Variants in PALMD observed in about 807,000 individuals in gnomAD.
PALMD encodes the protein palmdelphin, also known as paralemmin-like protein.
PALMD carries 42 observed loss-of-function variants against 56.2 expected under a neutral mutation model. The observed-to-expected ratio is 0.75, with a 90% CI of 0.58 to 0.97. PALMD has a LOEUF of 0.97. PALMD is among the 50% of genes least tolerant of loss of function. PALMD has a pLI of 0.00. For synonymous variants in PALMD, 242 were observed against 222.9 expected, an observed-to-expected ratio of 1.09 and a Z score of -0.76; for missense variants, 660 against 643.8, an observed-to-expected ratio of 1.03 and a Z score of -0.27.
chr1:99,661,084 T>C (rs1652837882), intron 1 of PALMD, among the ~76,000 whole-genome samples: 1 of 152,230 alleles, frequency 6.6e-6, no homozygotes, highest in Non-Finnish European at 1.5e-5. Flanking sequence ...ATAATGCACT[T>C]ACATCAATAA....
chr1:99,657,585 T>G (rs140709523), intron 1 of PALMD, among the ~76,000 whole-genome samples: 2 of 152,342 alleles, frequency 1.3e-5, no homozygotes, highest in African/African-American at 4.8e-5. Context: ...ATTCAACTTC[T>G]GAAAACATGC....
At chr1:99,654,011 G>A (rs1009060648) in intron 1 of PALMD, among the ~76,000 whole-genome samples, 7 of 151,816 alleles carry the variant, frequency 4.6e-5, no homozygotes, top group Non-Finnish European at 4.4e-5. Flanking sequence ...CCTTATTTGA[G>A]GAATTGTATT....
intron 1 of PALMD, among the ~76,000 whole-genome samples, chr1:99,652,990 T>G (rs1445405575): frequency 6.6e-6 from 1 of 152,168 alleles, no homozygotes; most frequent in Non-Finnish European, 1.5e-5. Flanking sequence ...ATCAAAGTCA[T>G]TTTTCAGAGC....
At chr1:99,683,118 GAAAGA>G (rs1653404257) in intron 3 of PALMD, 1 of 116,350 alleles carries the variant, frequency 8.6e-6, no homozygotes, top group Non-Finnish European at 1.7e-5. Context: ...AAGAAAGAAA[GAAAGA>G]AAGAAAGAAA....
chr1:99,681,156 T>G (rs551229387), intron 3 of PALMD, among the ~76,000 whole-genome samples: 2,974 of 151,584 alleles, frequency 0.02, 72 homozygotes, highest in African/African-American at 0.061. Flanking sequence ...TATATATGTA[T>G]AGAGCCCGGA....
intron 3 of PALMD, among the ~76,000 whole-genome samples, chr1:99,682,580 A>G (rs1203935223): frequency 1.3e-5 from 2 of 152,244 alleles, no homozygotes; most frequent in East Asian, 3.9e-4. Flanking sequence ...ATGGCATTAC[A>G]TTACCCACGG....
intron 3 of PALMD, among the ~76,000 whole-genome samples, chr1:99,671,669 T>C (rs1653091055): frequency 6.6e-6 from 1 of 152,196 alleles, no homozygotes; most frequent in South Asian, 2.1e-4. Flanking sequence ...AAATAATCTA[T>C]GATTTTTTTT....
Position 99,653,017 on chromosome 1 carries a change from C to A in PALMD, c.45+6655C>A, listed in dbSNP as rs149192778. 6.1e-3 allele frequency among the ~76,000 whole-genome samples: 936 copies of A among 152,210 alleles called. 10 individuals carry two copies. The highest frequency in any genetic ancestry group is 0.022 in the African/African-American group (898 of 41,534). On this transcript the variant is annotated intron_variant, in intron 1 of 7. Transcript: ENST00000263174. ...TTTCAGAGCACCTAATAGTTCAGGC[C>A]CCTTTTTCCTCTGCCTTCCTCCCCA...
At chr1:99,657,461 C>T (rs1221936452) in intron 1 of PALMD, among the ~76,000 whole-genome samples, 1 of 152,174 alleles carries the variant, frequency 6.6e-6, no homozygotes, top group Non-Finnish European at 1.5e-5. Flanking sequence ...CATCCCTGCC[C>T]TCTGCTCCTT....
chr1:99,671,015 T>C (rs993997232), intron 3 of PALMD, among the ~76,000 whole-genome samples: 2 of 152,254 alleles, frequency 1.3e-5, no homozygotes, highest in East Asian at 1.9e-4. Flanking sequence ...TACAATTTCC[T>C]GTTAGCACTG....
At chr1:99,661,201 T>C (rs960767306) in intron 1 of PALMD, among the ~76,000 whole-genome samples, 24 of 152,176 alleles carry the variant, frequency 1.6e-4, no homozygotes, top group African/African-American at 5.8e-4. Flanking sequence ...AGTTTTTAAT[T>C]TTGAAAGCAG....
chr1:99,670,955 TA>T lies in PALMD; in HGVS notation c.251+3192del, dbSNP rs368289206. Among the ~76,000 whole-genome samples the T allele has an allele frequency of 2.2e-4, 33 of 152,316 alleles. 1 individual carries two copies. The highest frequency in any genetic ancestry group is 7.2e-4 in the African/African-American group (30 of 41,570). On this transcript the variant is annotated intron_variant, in intron 3 of 7. Transcript: ENST00000263174. Reference sequence around the variant, plus strand: ...ATGTTTTTAAATTCAATCTTTCTCCTAAACAAGTACCCACAGTGCTTGAGAA... The same window carrying T: ...ATGTTTTTAAATTCAATCTTTCTCCTAACAAGTACCCACAGTGCTTGAGAA...
intron 1 of PALMD, among the ~76,000 whole-genome samples, chr1:99,660,349 G>A (rs1012682825): frequency 1.2e-4 from 19 of 152,246 alleles, no homozygotes; most frequent in African/African-American, 4.3e-4. Flanking sequence ...ACAATTGTCA[G>A]ATGAAACTTG....
At chr1:99,653,187 G>A (rs1006335567) in intron 1 of PALMD, among the ~76,000 whole-genome samples, 3 of 152,120 alleles carry the variant, frequency 2.0e-5, no homozygotes, top group Non-Finnish European at 2.9e-5. Flanking sequence ...CAAAAAAACT[G>A]TCCTGGGTGA....
intron 3 of PALMD, among the ~76,000 whole-genome samples, chr1:99,675,378 A>G (rs953169619): frequency 6.6e-6 from 1 of 152,200 alleles, no homozygotes; most frequent in African/African-American, 2.4e-5. Flanking sequence ...GTTTTTCTCT[A>G]CAATTTATTT....
chr1:99,691,970 AT>A (rs538271821), intron 7 of PALMD, among the ~76,000 whole-genome samples: 1 of 152,144 alleles, frequency 6.6e-6, no homozygotes, highest in Non-Finnish European at 1.5e-5. Flanking sequence ...AAAAGACAAG[AT>A]TTTTTTAGTC....
chr1:99,677,381 A>C (rs2100867960), intron 3 of PALMD, among the ~76,000 whole-genome samples: 1 of 152,232 alleles, frequency 6.6e-6, no homozygotes, highest in Non-Finnish European at 1.5e-5. Flanking sequence ...TGAGATAGAA[A>C]GGTTCATTTC....
intron 2 of PALMD, among the ~76,000 whole-genome samples, chr1:99,665,871 C>T (rs1044922492): frequency 1.3e-5 from 2 of 152,092 alleles, no homozygotes; most frequent in Admixed American, 6.5e-5. Context: ...GAATCTTGAC[C>T]AATGTTAATC....
chr1:99,675,082 CTA>C (rs10585286), intron 3 of PALMD, among the ~76,000 whole-genome samples: 4,646 of 152,178 alleles, frequency 0.031, 185 homozygotes, highest in African/African-American at 0.099. Context: ...GTTGGTTATT[CTA>C]TGTTTTATTA....
Sources: allele counts gnomAD v4.1 joint callset (sites outside exome capture counted in the v4.1 genomes callset), GRCh38; gene constraint gnomAD v4.1.1; transcripts MANE v1.5; gene names NCBI Gene and HGNC (gene_info 2026-07-23, HGNC 2026-07-21).